The following SCGB2B2 variants were observed in gnomAD, a reference collection of about 807,000 sequenced individuals.
The protein encoded by SCGB2B2 is secretoglobin-like protein.
A neutral mutation model predicts 7.6 loss-of-function variants in SCGB2B2; 11 were observed. That is an observed-to-expected ratio of 1.45 (90% CI 0.91 to 2.40). The LOEUF is 2.40. Ranked by LOEUF, SCGB2B2 falls within the 30% of genes most tolerant of loss-of-function variation. The pLI is 0.00. For synonymous variants in SCGB2B2, 50 were observed against 48.6 expected, an observed-to-expected ratio of 1.03 and a Z score of -0.12; for missense variants, 104 against 115.4, an observed-to-expected ratio of 0.90 and a Z score of 0.45.
intron 1 of SCGB2B2, among the ~76,000 whole-genome samples, chr19:34,617,766 T>C (rs1389537339): frequency 1.3e-5 from 2 of 152,198 alleles, no homozygotes; most frequent in African/African-American, 4.8e-5. Flanking sequence ...CTTGTGCCAG[T>C]TTTCAAAGGG....
Position 34,593,346 on chromosome 19 carries a change from G to A in SCGB2B2, c.*209C>T. 1.9e-6 allele frequency: 1 copy of A among 540,334 alleles called. No homozygotes were observed. Among genetic ancestry groups the A allele is most frequent in the Non-Finnish European group, 3.3e-6 (1 of 301,210 alleles). The allele number at this position is 540,334 out of a possible 1,614,324, so 33.5% of individuals were successfully genotyped here. ...GGCATGTCTATGCTACACCTGTAGAGTTTTTCCTCAGTCGCATATTTTCAC... is the reference window on the plus strand; with the variant it reads ...GGCATGTCTATGCTACACCTGTAGAATTTTTCCTCAGTCGCATATTTTCAC... On this transcript the variant is annotated 3_prime_UTR_variant, in exon 4 of 4. Transcript: ENST00000601241.
In SCGB2B2 at chr19:34,606,655, G is replaced by A. The variant is rs1458450444; in HGVS notation, c.-2031-10061C>T. Among the ~76,000 whole-genome samples the A allele has an allele frequency of 3.9e-5, 6 of 152,080 alleles. No homozygotes were observed. The East Asian group carries it at 1.2e-3, about 29-fold the overall frequency. ...GGTCAACTAGGGTCCAAAAATTGGT[G>A]AGGCAGTACAATAAGAATTTTCAGA... On this transcript the variant is annotated intron_variant, in intron 1 of 3. Coordinates refer to ENST00000601241, the MANE Select transcript of SCGB2B2 (RefSeq NM_001025591.4).
At chr19:34,615,701 G>A (rs1332620616) in intron 1 of SCGB2B2, among the ~76,000 whole-genome samples, 1 of 152,082 alleles carries the variant, frequency 6.6e-6, no homozygotes, top group Non-Finnish European at 1.5e-5. Context: ...CATAAAATGT[G>A]TTTGAAAGTA....
At chr19:34,588,561 A>C (rs569014888), downstream of SCGB2B2, among the ~76,000 whole-genome samples, 1 of 152,338 alleles carries the variant, frequency 6.6e-6, no homozygotes, top group East Asian at 1.9e-4. Flanking sequence ...ACAGAAAGGT[A>C]AATGTCAGGC....
chr19:34,646,597 C>G (rs917145635), intron 1 of SCGB2B2: 1 of 152,424 alleles, frequency 6.6e-6, no homozygotes, highest in East Asian at 1.9e-4. Context: ...TCTGGGGATG[C>G]TTTCACAGAG....
At chr19:34,590,209 T>A (rs909073450), downstream of SCGB2B2, among the ~76,000 whole-genome samples, 1 of 152,196 alleles carries the variant, frequency 6.6e-6, no homozygotes, top group South Asian at 2.1e-4. Flanking sequence ...AGAAGGGGTA[T>A]GGTTTCCACC....
intron 1 of SCGB2B2, among the ~76,000 whole-genome samples, chr19:34,654,656 C>T (rs2067238694): frequency 6.6e-6 from 1 of 150,852 alleles, no homozygotes; most frequent in South Asian, 2.1e-4. Flanking sequence ...AATGGCTCCA[C>T]CTAGATTCAC....
In SCGB2B2 at chr19:34,590,882, T is replaced by C. The variant is rs933507482; in HGVS notation, c.*2673A>G. 6.6e-6 allele frequency among the ~76,000 whole-genome samples: 1 copy of C among 152,218 alleles called. No individual in the cohort carries two copies. Among genetic ancestry groups the C allele is most frequent in the Non-Finnish European group, 1.5e-5 (1 of 68,032 alleles). ...CTTTCAAACACATGTGAAATGCTTT[T>C]GCATCTCAAAGTATTTATATCAATA... On this transcript the variant is annotated 3_prime_UTR_variant, in exon 4 of 4. Coordinates refer to ENST00000601241, the MANE Select transcript of SCGB2B2 (RefSeq NM_001025591.4).
intron 1 of SCGB2B2, among the ~76,000 whole-genome samples, chr19:34,668,076 G>C (rs1171838472): frequency 6.6e-6 from 1 of 152,224 alleles, no homozygotes; most frequent in Non-Finnish European, 1.5e-5. Context: ...TCCTCTGCCT[G>C]GGCTCCCACT....
intron 1 of SCGB2B2, among the ~76,000 whole-genome samples, chr19:34,623,948 G>A (rs2066303004): frequency 1.3e-5 from 2 of 152,154 alleles, no homozygotes; most frequent in South Asian, 4.1e-4. Flanking sequence ...TATTGAAAGT[G>A]GAGTTTTCCT....
intron 1 of SCGB2B2, among the ~76,000 whole-genome samples, chr19:34,670,941 T>G (rs541041920): frequency 1.3e-5 from 2 of 152,336 alleles, no homozygotes; most frequent in South Asian, 4.1e-4. Context: ...TTGTTTGTTT[T>G]GAGATGGAGT....
rs1568431496 is a variant in SCGB2B2 at position 34,612,018 on chromosome 19, A to ATTTTTTTT, written c.-2031-15425_-2031-15424insAAAAAAAA. ...ATTTTCATATATTTGTGTTTTAGAA[A>ATTTTTTTT]ATTCTTTTTTTTTTTTTTTTTTTTT... On this transcript the variant is annotated intron_variant, in intron 1 of 3. Coordinates refer to ENST00000601241, the MANE Select transcript of SCGB2B2 (RefSeq NM_001025591.4). Among the ~76,000 whole-genome samples the ATTTTTTTT allele has an allele frequency of 8.9e-5, 7 of 78,674 alleles. No individual in the cohort carries two copies. The East Asian group carries it at 2.1e-3, about 23-fold the overall frequency. 51.6% of individuals were successfully genotyped at this position (78,674 alleles called of 152,430 possible).
At chr19:34,597,561 C>T (rs1170162983) in intron 1 of SCGB2B2, among the ~76,000 whole-genome samples, 1 of 152,218 alleles carries the variant, frequency 6.6e-6, no homozygotes, top group East Asian at 1.9e-4. Flanking sequence ...CATCTCTAGG[C>T]TTAGGAAGTG....
At chr19:34,603,225 T>TGAGA (rs1346043372) in intron 1 of SCGB2B2, among the ~76,000 whole-genome samples, 5 of 151,906 alleles carry the variant, frequency 3.3e-5, no homozygotes, top group Admixed American at 2.0e-4. Flanking sequence ...ATTGGTGGGG[T>TGAGA]GAGAGATGTC....
At chr19:34,644,350 GTT>G (rs76842372) in intron 1 of SCGB2B2, among the ~76,000 whole-genome samples, 1 of 120,730 alleles carries the variant, frequency 8.3e-6, no homozygotes, top group African/African-American at 2.9e-5. Flanking sequence ...TTGTTTTTTT[GTT>G]TTTTTTTTTG....
At chr19:34,630,073 A>T (rs1600055940) in intron 1 of SCGB2B2, among the ~76,000 whole-genome samples, 5 of 152,128 alleles carry the variant, frequency 3.3e-5, no homozygotes, top group Admixed American at 3.3e-4. Context: ...TAGAAAGCTG[A>T]AACTGGATCC....
At chr19:34,616,825 G>C (rs1332784096) in intron 1 of SCGB2B2, among the ~76,000 whole-genome samples, 2 of 151,804 alleles carry the variant, frequency 1.3e-5, no homozygotes, top group African/African-American at 4.8e-5. Context: ...TTAGGTCTAA[G>C]GTTTAAGTCT....
chr19:34,651,768 G>GA (rs1053456768), intron 1 of SCGB2B2, among the ~76,000 whole-genome samples: 1 of 151,154 alleles, frequency 6.6e-6, no homozygotes, highest in Non-Finnish European at 1.5e-5. Flanking sequence ...CACAGAAATA[G>GA]AAAAAATAAT....
At chr19:34,603,230 G>A (rs2065681256) in intron 1 of SCGB2B2, among the ~76,000 whole-genome samples, 1 of 152,172 alleles carries the variant, frequency 6.6e-6, no homozygotes. Context: ...TGGGGTGAGA[G>A]ATGTCCAGCA....
Sources: gnomAD v4.1 joint callset for allele counts (sites outside exome capture counted in the v4.1 genomes callset) on GRCh38, gnomAD v4.1.1 for gene constraint, MANE v1.5 for transcripts, NCBI Gene and HGNC (gene_info 2026-07-23, HGNC 2026-07-21) for gene names.